Variants in CEP162 observed in about 807,000 individuals in gnomAD.
CEP162 encodes the protein centrosomal protein 162.
CEP162 carries 141 observed loss-of-function variants against 169.2 expected under a neutral mutation model. The ratio of observed to expected loss-of-function variants is 0.83; its 90% CI spans 0.73 to 0.96. The LOEUF (loss-of-function observed/expected upper bound fraction) is 0.96. Ranked by LOEUF, CEP162 falls within the 40% of genes least tolerant of loss-of-function variation. The probability of loss-of-function intolerance (pLI) is 0.00; values close to 1 mark genes in which losing one functional copy is unlikely to be tolerated. For missense variants in CEP162, 1,600 were observed against 1,587.2 expected, an observed-to-expected ratio of 1.01 and a Z score of -0.14; for synonymous variants, 540 against 526.4, an observed-to-expected ratio of 1.03 and a Z score of -0.35.
rs1341063613 is a variant in CEP162, at chr6:84,195,016, T to TA, written c.894dup (p.Ile299TyrfsTer8). 6.2e-7 allele frequency: 1 copy of TA among 1,611,832 alleles called. No homozygotes were observed. Among genetic ancestry groups the TA allele is most frequent in the Non-Finnish European group, 8.5e-7 (1 of 1,178,792 alleles). ...TCTTCATCTCCCAATGAATGGGCTA[T>TA]ATGACAATAAGCTTGATGTAGGGCT... On this transcript the variant is annotated frameshift_variant, in exon 10 of 27. Transcript: ENST00000403245. LOFTEE classifies it high-confidence loss of function.
chr6:84,165,318 G>A (rs767103344), intron 18 of CEP162, among the ~76,000 whole-genome samples: 3 of 151,472 alleles, frequency 2.0e-5, no homozygotes, highest in African/African-American at 4.9e-5. Flanking sequence ...AAAATGCTTG[G>A]GACATCAAAA....
At chr6:84,187,255 T>A (rs1322256102) in intron 11 of CEP162, among the ~76,000 whole-genome samples, 1 of 152,156 alleles carries the variant, frequency 6.6e-6, no homozygotes, top group East Asian at 1.9e-4. Flanking sequence ...AGGAAATGTT[T>A]TAAATGCGGT....
chr6:84,191,163 A>G (rs6923259), intron 11 of CEP162, among the ~76,000 whole-genome samples: 4 of 152,094 alleles, frequency 2.6e-5, no homozygotes, highest in Non-Finnish European at 2.9e-5. Context: ...TTCAAAAGAA[A>G]AAAAAAAAAG....
Position 84,174,570 on chromosome 6 carries a change from G to A in CEP162, c.2025+157C>T, listed in dbSNP as rs76704913. On this transcript the variant is annotated intron_variant, in intron 15 of 26. Transcript: ENST00000403245. The stretch of plus-strand genomic sequence containing the variant: ...AAGGGTTCAAAATTTAGGCTCTCAT[G>A]TACGGAATCACTCTTGGAACCATTC... Among the ~76,000 whole-genome samples the A allele has an allele frequency of 9.4e-4, 143 of 152,128 alleles. 2 individuals are homozygous for A. In the East Asian group the frequency reaches 0.025, roughly 26 times the overall value.
chr6:84,210,293 T>C (rs2099548929), intron 6 of CEP162, among the ~76,000 whole-genome samples: 1 of 152,232 alleles, frequency 6.6e-6, no homozygotes, highest in South Asian at 2.1e-4. Context: ...TTTTCATCTT[T>C]TGTTGGCAAA....
rs1240987751 is a variant in CEP162, at chr6:84,163,051, C to T, written c.2512+93G>A. 4 of 1,179,784 alleles carry T rather than the reference C, an allele frequency of 3.4e-6. No homozygotes were observed. The African/African-American group carries it at 6.1e-5, about 18-fold the overall frequency. 73.1% of individuals were successfully genotyped at this position (1,179,784 alleles called of 1,614,324 possible). On this transcript the variant is annotated intron_variant, in intron 19 of 26. Coordinates refer to ENST00000403245, the MANE Select transcript of CEP162 (RefSeq NM_014895.4). ...AATTACAATATACTTCAAGGAGTAG[C>T]ATTTTGATTATACCATTCAATTTCT...
At chr6:84,146,458 T>G (rs1588723899) in intron 25 of CEP162, among the ~76,000 whole-genome samples, 1 of 152,162 alleles carries the variant, frequency 6.6e-6, no homozygotes, top group South Asian at 2.1e-4. Context: ...TTTTCCCCAC[T>G]ACCCACAAAA....
chr6:84,157,320 G>T (rs1011945171), intron 21 of CEP162, among the ~76,000 whole-genome samples: 1 of 152,116 alleles, frequency 6.6e-6, no homozygotes, highest in Non-Finnish European at 1.5e-5. Context: ...AAATCTTAAA[G>T]TATATTGTCT....
At chr6:84,170,558 A>C (rs2099529712) in intron 17 of CEP162, among the ~76,000 whole-genome samples, 1 of 152,062 alleles carries the variant, frequency 6.6e-6, no homozygotes, top group Non-Finnish European at 1.5e-5. Flanking sequence ...AGTATGAGCT[A>C]TTATTAGCAG....
intron 22 of CEP162, among the ~76,000 whole-genome samples, chr6:84,153,925 C>T (rs2476903): frequency 0.024 from 3,674 of 152,154 alleles, 136 homozygotes; most frequent in African/African-American, 0.085. Context: ...GCGACGCTGC[C>T]CTAAGTGTCT....
intron 25 of CEP162, among the ~76,000 whole-genome samples, chr6:84,144,086 A>G (rs541143336): frequency 2.0e-3 from 311 of 152,116 alleles, no homozygotes; most frequent in African/African-American, 7.3e-3. Flanking sequence ...ACTTCCTCAA[A>G]TCAAATTATA....
chr6:84,208,820 T>C (rs1056984461), intron 6 of CEP162, among the ~76,000 whole-genome samples: 8 of 152,244 alleles, frequency 5.3e-5, no homozygotes, highest in Admixed American at 5.2e-4. Flanking sequence ...AATCACAAGA[T>C]AGTTATAAGT....
At chr6:84,165,274 T>C (rs1016520370) in intron 18 of CEP162, among the ~76,000 whole-genome samples, 13 of 152,060 alleles carry the variant, frequency 8.5e-5, no homozygotes, top group Admixed American at 6.6e-5. Flanking sequence ...ATGCAGGATT[T>C]TATTTTGCCA....
chr6:84,140,935 A>C (rs2099516328), intron 25 of CEP162, among the ~76,000 whole-genome samples: 1 of 152,082 alleles, frequency 6.6e-6, no homozygotes, highest in African/African-American at 2.4e-5. Context: ...GGAAAGAGGG[A>C]GGATGGTTTT....
At chr6:84,133,886 G>C (rs560934361) in intron 25 of CEP162, among the ~76,000 whole-genome samples, 1 of 152,302 alleles carries the variant, frequency 6.6e-6, no homozygotes, top group East Asian at 1.9e-4. Flanking sequence ...AAGCCCCAGT[G>C]AGATGAACCT....
chr6:84,160,794 T>C lies in CEP162; in HGVS notation c.2781+18A>G. The stretch of plus-strand genomic sequence containing the variant: ...TATATATAAAATATGCTCATGAAAA[T>C]TTACCCTGAACACATACTTGTCGCT... On this transcript the variant is annotated intron_variant, in intron 21 of 26. Transcript: ENST00000403245. 6.7e-7 allele frequency: 1 copy of C among 1,490,528 alleles called. No individual in the cohort carries two copies. The highest frequency in any genetic ancestry group is 9.4e-7 in the Non-Finnish European group (1 of 1,068,958). 92.3% of individuals were successfully genotyped at this position (1,490,528 alleles called of 1,614,324 possible).
chr6:84,176,188 AAATGTAGAGTTTACTTTTT>A (rs767956853), intron 13 of CEP162, among the ~76,000 whole-genome samples: 21 of 152,168 alleles, frequency 1.4e-4, no homozygotes, highest in Non-Finnish European at 5.9e-5. Flanking sequence ...GATGCTTTTT[AAATGTAGAGTTTACTTTTT>A]AATTACAAAT....
Position 84,185,440 on chromosome 6 carries a change from T to A in CEP162, c.1410A>T (p.Arg470Ser), listed in dbSNP as rs765753057. The stretch of plus-strand genomic sequence containing the variant: ...CTTCTTCTTCAGAACTAAGTTGAGA[T>A]CTGTAAGTCTGTACACAACAAACAA... Reference protein sequence around the residue: ...SQDDKINKTYRSQLSSEEEGA... With the variant: ...SQDDKINKTYSSQLSSEEEGA... Residue 470 changes from arginine to serine, a missense_variant, in exon 13 of 27, where the codon AGA becomes AGT. Physicochemically the swap from Arg to Ser is moderately radical, Grantham distance 110. Coordinates refer to ENST00000403245, the MANE Select transcript of CEP162 (RefSeq NM_014895.4). 6.2e-7 allele frequency: 1 copy of A among 1,612,882 alleles called. No individual in the cohort carries two copies. Among genetic ancestry groups the A allele is most frequent in the Non-Finnish European group, 8.5e-7 (1 of 1,179,118 alleles).
chr6:84,139,501 G>T (rs932574220), intron 25 of CEP162, among the ~76,000 whole-genome samples: 11 of 152,056 alleles, frequency 7.2e-5, no homozygotes, highest in Non-Finnish European at 1.0e-4. Flanking sequence ...CACATGGGTT[G>T]AGAAAAAAAA....
Sources: gnomAD v4.1 joint callset for allele counts (sites outside exome capture counted in the v4.1 genomes callset) on GRCh38, gnomAD v4.1.1 for gene constraint, MANE v1.5 for transcripts, NCBI Gene and HGNC (gene_info 2026-07-23, HGNC 2026-07-21) for gene names.